The following PIK3R3 variants were observed in gnomAD, a reference collection of about 807,000 sequenced individuals.
PIK3R3 encodes phosphatidylinositol 3-kinase regulatory subunit gamma.
A neutral mutation model predicts 62.9 loss-of-function variants in PIK3R3; 64 were observed. That is an observed-to-expected ratio of 1.02 (90% confidence interval 0.83 to 1.25). PIK3R3 has a LOEUF of 1.25. Among genes scored for constraint, PIK3R3 ranks in the 50% most tolerant of loss-of-function variants. PIK3R3 has a pLI of 0.00. For synonymous variants in PIK3R3, 165 were observed against 189.0 expected (o/e 0.87, Z 1.04); for missense variants, 614 against 561.6 (o/e 1.09, Z -0.94).
chr1:46,165,955 A>C, the PIK3R3 span, among the ~76,000 whole-genome samples: 1 of 149,976 alleles, frequency 6.7e-6, no homozygotes, highest in Non-Finnish European at 1.5e-5. Flanking sequence ...TATTTTTTTT[A>C]GTAGAGACGG....
chr1:46,089,092 A>C (rs1557597802), intron 1 of PIK3R3, among the ~76,000 whole-genome samples: 1 of 152,216 alleles, frequency 6.6e-6, no homozygotes, highest in Non-Finnish European at 1.5e-5. Context: ...ATCTCTCAGC[A>C]TCCTTTCTTA....
the PIK3R3 span, among the ~76,000 whole-genome samples, chr1:46,167,327 A>C: frequency 1.3e-5 from 2 of 152,252 alleles, no homozygotes; most frequent in African/African-American, 4.8e-5. Flanking sequence ...TCCAGAGACG[A>C]GGGTGTGGGG....
In PIK3R3 at chr1:46,043,595, G is replaced by T; in HGVS notation, c.*78C>A. ...TTGTGCAAAACAAGCAGTCTATGTA[G>T]AAAGAATGCCCTCATCGTAGTCTAA... On this transcript the variant is annotated 3_prime_UTR_variant, in exon 10 of 10. Coordinates refer to ENST00000262741, the MANE Select transcript of PIK3R3 (RefSeq NM_003629.4). 1 of 1,252,096 alleles carries T rather than the reference G, an allele frequency of 8.0e-7. No homozygotes were observed. The highest frequency in any genetic ancestry group is 1.2e-6 in the Non-Finnish European group (1 of 860,906). 77.6% of individuals were successfully genotyped at this position (1,252,096 alleles called of 1,614,324 possible). A position where few individuals can be genotyped will look rare whatever the true frequency, so the allele number is the denominator to read the frequency against.
rs1160408736 is a variant in PIK3R3 at position 46,066,072 on chromosome 1, T to G, written c.603A>C (p.Glu201Asp). Residue 201 changes from glutamate to aspartate, a missense_variant, in exon 5 of 10, where the codon GAA becomes GAC. By Grantham distance (45) the Glu-to-Asp change is conservative. Transcript: ENST00000262741. ...TACCAACCTGGGATGTTCTAGTATA[T>G]TCTTCATACAGCCTATCATACTCTT... ...KSKEYDRLYE[E>D]YTRTSQEIQM... 6.2e-7 allele frequency: 1 copy of G among 1,609,106 alleles called. No individual in the cohort carries two copies. The highest frequency in any genetic ancestry group is 8.5e-7 in the Non-Finnish European group (1 of 1,175,986).
the PIK3R3 span, among the ~76,000 whole-genome samples, chr1:46,166,102 A>G: frequency 6.6e-6 from 1 of 151,656 alleles, no homozygotes; most frequent in African/African-American, 2.4e-5. Flanking sequence ...GTACCAAGAA[A>G]AAATAAGAAG....
At chr1:46,146,682 A>G in the PIK3R3 span, among the ~76,000 whole-genome samples, 2 of 87,744 alleles carry the variant, frequency 2.3e-5, no homozygotes, top group East Asian at 3.4e-4. Context: ...CTCCCCTCCA[A>G]CTCTACACAC....
At chr1:46,140,455 T>C in the PIK3R3 span, among the ~76,000 whole-genome samples, 1 of 152,294 alleles carries the variant, frequency 6.6e-6, no homozygotes. Flanking sequence ...TCCTAAACCC[T>C]GGAAGCTCTG....
chr1:46,141,558 A>G, the PIK3R3 span, among the ~76,000 whole-genome samples: 65 of 152,262 alleles, frequency 4.3e-4, no homozygotes, highest in African/African-American at 1.4e-3. Context: ...GGCGTGAGCC[A>G]CCGCGTCCAG....
chr1:46,148,857 C>A, the PIK3R3 span, among the ~76,000 whole-genome samples: 5 of 151,602 alleles, frequency 3.3e-5, no homozygotes, highest in African/African-American at 1.2e-4. Flanking sequence ...TCTCCATCAA[C>A]CTTTAGGCAT....
chr1:46,126,516 CA>C (rs1445782593), intron 1 of PIK3R3, among the ~76,000 whole-genome samples: 1 of 136,076 alleles, frequency 7.3e-6, no homozygotes, highest in African/African-American at 2.7e-5. Context: ...CCACTCTGGG[CA>C]AAAGAGTGAG....
In PIK3R3 at chr1:46,041,833, A is replaced by G; in HGVS notation, c.*1840T>C. ...ACTGCAGTGTAACCAAGAAAAAGCC[A>G]AAGAGAAGCACTTCCCTTTCTATCC... On this transcript the variant is annotated 3_prime_UTR_variant, in exon 10 of 10. Coordinates refer to ENST00000262741, the MANE Select transcript of PIK3R3 (RefSeq NM_003629.4). 1 of 212,724 alleles carries G rather than the reference A, an allele frequency of 4.7e-6. No homozygotes were observed. The highest frequency in any genetic ancestry group is 1.9e-4 in the South Asian group (1 of 5,370). 13.2% of individuals were successfully genotyped at this position (212,724 alleles called of 1,614,324 possible).
rs770283384 is a variant in PIK3R3, at chr1:46,043,911, A to G, written c.1188-40T>C. ...CACAGAAGAAATGTTAAGGTAGGTA[A>G]CAATAGATAAAAGGACACTAAATGG... is the stretch of plus-strand genomic sequence containing the variant. On this transcript the variant is annotated intron_variant, in intron 9 of 9. Coordinates refer to ENST00000262741, the MANE Select transcript of PIK3R3 (RefSeq NM_003629.4). The G allele has an allele frequency of 6.5e-6, 10 of 1,537,670 alleles. No individual in the cohort carries two copies. The South Asian group carries it at 6.9e-5, about 11-fold the overall frequency.
chr1:46,134,983 C>T (rs1655877058), upstream of PIK3R3, among the ~76,000 whole-genome samples: 1 of 152,172 alleles, frequency 6.6e-6, no homozygotes, highest in Admixed American at 6.5e-5. Flanking sequence ...TTAAATAGAC[C>T]TTTGAATATA....
In PIK3R3 at chr1:46,132,014, T is replaced by G; in HGVS notation, c.-62A>C. On this transcript the variant is annotated 5_prime_UTR_variant, in exon 1 of 10. Transcript: ENST00000262741. Reference sequence around the variant, plus strand: ...AAGGCATATATTTTTTATCTGGTATTTAAAAATCTAAAAATATATATCTGC... The same window carrying G: ...AAGGCATATATTTTTTATCTGGTATGTAAAAATCTAAAAATATATATCTGC... 1 of 1,583,282 alleles carries G rather than the reference T, an allele frequency of 6.3e-7. No homozygotes were observed. The highest frequency in any genetic ancestry group is 1.9e-5 in the Admixed American group (1 of 53,064).
intron 1 of PIK3R3, among the ~76,000 whole-genome samples, chr1:46,100,958 T>G (rs1413633150): frequency 2.0e-5 from 3 of 151,812 alleles, no homozygotes; most frequent in Non-Finnish European, 4.4e-5. Flanking sequence ...GAGGCTGAGG[T>G]AGGCTAGGAG....
At chr1:46,080,064 C>CTT (rs1226844650) in intron 2 of PIK3R3, among the ~76,000 whole-genome samples, 9 of 140,842 alleles carry the variant, frequency 6.4e-5, no homozygotes, top group Middle Eastern at 3.6e-3. Flanking sequence ...TTTTTCTTTT[C>CTT]TTTTTTTTTT....
chr1:46,126,744 TG>T (rs1268398236), intron 1 of PIK3R3, among the ~76,000 whole-genome samples: 2 of 151,262 alleles, frequency 1.3e-5, no homozygotes, highest in South Asian at 2.1e-4. Flanking sequence ...AAGGCCAGCC[TG>T]GGGCAACAAA....
At chr1:46,163,620 T>C in the PIK3R3 span, among the ~76,000 whole-genome samples, 19 of 152,144 alleles carry the variant, frequency 1.2e-4, no homozygotes, top group Admixed American at 2.6e-4. Context: ...CCAGGAAGCT[T>C]TCCCTGTCTC....
chr1:46,095,488 AC>A (rs1181799362), intron 1 of PIK3R3, among the ~76,000 whole-genome samples: 1 of 152,130 alleles, frequency 6.6e-6, no homozygotes, highest in Non-Finnish European at 1.5e-5. Context: ...AGGGAACAAC[AC>A]ACTCTGGGGC....
Sources: gnomAD v4.1 joint callset for allele counts (sites outside exome capture counted in the v4.1 genomes callset) on GRCh38, gnomAD v4.1.1 for gene constraint, MANE v1.5 for transcripts, NCBI Gene and HGNC (gene_info 2026-07-23, HGNC 2026-07-21) for gene names.